NOD2: variants seen among roughly 807,000 people sequenced by gnomAD.
The protein encoded by NOD2 is nucleotide-binding oligomerization domain-containing protein 2.
A neutral mutation model predicts 90.9 loss-of-function variants in NOD2; 86 were observed. The observed-to-expected ratio is 0.95, with a 90% confidence interval of 0.79 to 1.13. NOD2 has a LOEUF of 1.13. Among genes scored for constraint, NOD2 ranks in the 50% most tolerant of loss-of-function variants. NOD2 has a pLI of 0.00. For missense variants in NOD2, 1,238 were observed against 1,283.8 expected (o/e 0.96, Z 0.55); for synonymous variants, 581 against 554.6 (o/e 1.05, Z -0.67).
intron 9 of NOD2, among the ~76,000 whole-genome samples, 175 bp from the exon 10 acceptor site, chr16:50,725,314 C>A (rs1965225567): frequency 1.3e-5 from 2 of 152,168 alleles, no homozygotes; most frequent in African/African-American, 2.4e-5. Flanking sequence ...GGAGTGAATT[C>A]TCTTGCAAAT....
chr16:50,716,855 T>G (rs745794233), intron 5 of NOD2, 36 bp from the exon 6 acceptor site: 2 of 1,602,888 alleles, frequency 1.2e-6, no homozygotes, highest in Non-Finnish European at 1.7e-6. Flanking sequence ...CCAATGTGCT[T>G]TGCTTCTGTG....
At chr16:50,697,517 GC>G (rs568325667) in intron 1 of NOD2, 1 of 661,790 alleles carries the variant, frequency 1.5e-6, no homozygotes, top group Non-Finnish European at 2.8e-6. Flanking sequence ...CGCATCCTTG[GC>G]TGGTGTTTCC....
chr16:50,713,781 G>A (rs910477113), intron 4 of NOD2, among the ~76,000 whole-genome samples: 4 of 152,142 alleles, frequency 2.6e-5, no homozygotes, highest in African/African-American at 9.7e-5. Flanking sequence ...CTTCTGCAAA[G>A]TGGAAGAATA....
chr16:50,728,338 G>A, intron 10 of NOD2: 1 of 388,644 alleles, frequency 2.6e-6, no homozygotes, highest in Non-Finnish European at 5.1e-6. Context: ...AGCAGTTCCT[G>A]GGCCAAATGC....
In NOD2 at chr16:50,725,526, T is replaced by C. The variant is rs1965233783; in HGVS notation, c.2839T>C (p.Ser947Pro). The C allele has an allele frequency of 3.7e-6, 6 of 1,614,142 alleles. No individual in the cohort carries two copies. Among genetic ancestry groups the C allele is most frequent in the Non-Finnish European group, 5.1e-6 (6 of 1,179,980 alleles). ...ENHLQDEGVC[S>P]LAEGLKKNSS... ...CCATCTCCAGGATGAAGGTGTATGT[T>C]CTCTCGCAGAAGGACTGAAGAAAAA... The change falls in exon 10 of 12, where the codon TCT becomes CCT. Residue 947 changes from serine (S) to proline (P), a missense_variant. This residue lies in a region of NOD2 where 667 missense variants were observed against 688.7 expected (regional missense o/e 0.97). Transcript: ENST00000647318.
chr16:50,716,974 G>A lies in NOD2; in HGVS notation c.2549G>A (p.Arg850Lys). ...LACRQNFLALRLGNNYITAAG... is the reference protein window; with the variant it reads ...LACRQNFLALKLGNNYITAAG... ...TGCAGGCAGAACTTCTTGGCATTGA[G>A]GTGAGCCCAGGTTTTCCTTATTCCC... The change falls in exon 6 of 12, where the codon AGG (arginine) becomes AAG (lysine). Residue 850 changes from arginine to lysine, a missense_variant and splice_region_variant. Coordinates refer to ENST00000647318, the MANE Select transcript of NOD2 (RefSeq NM_001370466.1). 3.1e-6 allele frequency: 5 copies of A among 1,614,142 alleles called. No individual in the cohort carries two copies. Among genetic ancestry groups the A allele is most frequent in the Non-Finnish European group, 4.2e-6 (5 of 1,179,956 alleles).
intron 2 of NOD2, among the ~76,000 whole-genome samples, chr16:50,704,997 T>C (rs1267382442): frequency 6.6e-6 from 1 of 152,218 alleles, no homozygotes; most frequent in East Asian, 1.9e-4. Context: ...TTACAGGTGA[T>C]TTCTTCCTCT....
At chr16:50,701,721 A>T (rs1448118614) in intron 2 of NOD2, among the ~76,000 whole-genome samples, 1 of 152,228 alleles carries the variant, frequency 6.6e-6, no homozygotes, top group Non-Finnish European at 1.5e-5. Flanking sequence ...AGAAGACAGG[A>T]TGTGAACAGA....
At chr16:50,695,165 G>C (rs995060985) in intron 1 of NOD2, among the ~76,000 whole-genome samples, 19 of 151,844 alleles carry the variant, frequency 1.3e-4, no homozygotes, top group African/African-American at 4.4e-4. Flanking sequence ...TCATGGGGGG[G>C]GTGGGGTAAG....
Position 50,710,713 on chromosome 16 carries a change from C to A in NOD2, c.721C>A (p.Pro241Thr), listed in dbSNP as rs2066842. Reference protein sequence around the residue: ...EVWADVGMAGPPQKSPATLGL... With the variant: ...EVWADVGMAGTPQKSPATLGL... ...CTGGGCAGATGTGGGCATGGCTGGA[C>A]CCCCGCAGAAGAGCCCAGCCACCCT... Residue 241 changes from proline to threonine, a missense_variant, in exon 4 of 12, where the codon CCC (proline) becomes ACC (threonine). Pro to Thr is a conservative substitution (Grantham distance 38). Coordinates refer to ENST00000647318, the MANE Select transcript of NOD2 (RefSeq NM_001370466.1). The A allele has an allele frequency of 1.2e-6, 2 of 1,613,550 alleles. No homozygotes were observed. The highest frequency in any genetic ancestry group is 1.7e-5 in the Admixed American group (1 of 59,952).
At chr16:50,730,002 C>T in intron 11 of NOD2, 101 bp downstream of exon 11, 1 of 779,110 alleles carries the variant, frequency 1.3e-6, no homozygotes, top group Non-Finnish European at 2.2e-6. Context: ...TTTGAGGATC[C>T]CTTCTGATTC....
chr16:50,717,831 T>A (rs978042353), intron 6 of NOD2, among the ~76,000 whole-genome samples: 4 of 152,180 alleles, frequency 2.6e-5, no homozygotes, highest in Non-Finnish European at 4.4e-5. Context: ...AGGGTGCTAG[T>A]TTCAGAAATG....
At chr16:50,707,684 C>T (rs529610017) in intron 2 of NOD2, among the ~76,000 whole-genome samples, 171 bp from the exon 3 acceptor site, 2 of 152,300 alleles carry the variant, frequency 1.3e-5, no homozygotes, top group East Asian at 3.9e-4. Flanking sequence ...GTTCAATTCA[C>T]CATCCAACAC....
At chr16:50,703,081 C>T (rs1242596450) in intron 2 of NOD2, among the ~76,000 whole-genome samples, 6 of 152,180 alleles carry the variant, frequency 3.9e-5, no homozygotes, top group Non-Finnish European at 8.8e-5. Context: ...TTGGGAAATG[C>T]ACCATGCATA....
chr16:50,703,773 A>T (rs530145769), intron 2 of NOD2, among the ~76,000 whole-genome samples: 1 of 151,716 alleles, frequency 6.6e-6, no homozygotes, highest in South Asian at 2.1e-4. Flanking sequence ...AGTCTCAGGG[A>T]CTTGGTCTGG....
In NOD2 at chr16:50,712,189, C is replaced by T. The variant is rs3813758; in HGVS notation, c.2197C>T (p.Arg733Cys). The change falls in exon 4 of 12, where the codon CGT (arginine) becomes TGT (cysteine). Residue 733 changes from arginine to cysteine, a missense_variant. Transcript: ENST00000647318. ...GGAGCGGCTGGCTCGGAAGGCTGCA[C>T]GTGGCCTGAATGTTGGGCACCTCAA... is the stretch of plus-strand genomic sequence containing the variant. ...QEERLARKAA[R>C]GLNVGHLKLT... The T allele has an allele frequency of 1.8e-5, 29 of 1,613,838 alleles. No homozygotes were observed. The highest frequency in any genetic ancestry group is 2.7e-5 in the African/African-American group (2 of 74,946).
At chr16:50,724,849 C>A (rs919913088) in intron 9 of NOD2, among the ~76,000 whole-genome samples, 1 of 152,210 alleles carries the variant, frequency 6.6e-6, no homozygotes, top group Non-Finnish European at 1.5e-5. Flanking sequence ...TGGATGTAGG[C>A]AGTGTAGGGT....
At chr16:50,697,648 A>T (rs1018409198) in intron 1 of NOD2, 1 of 398,862 alleles carries the variant, frequency 2.5e-6, no homozygotes, top group Non-Finnish European at 4.8e-6. Flanking sequence ...GGGCACAAGG[A>T]GGAGAACTCC....
intron 7 of NOD2, among the ~76,000 whole-genome samples, chr16:50,721,872 T>C (rs1965076942): frequency 6.6e-6 from 1 of 152,234 alleles, no homozygotes; most frequent in East Asian, 1.9e-4. Context: ...TAAGTTGTTT[T>C]CAGGTTTTTT....
Sources: gnomAD v4.1 joint callset for allele counts (sites outside exome capture counted in the v4.1 genomes callset) on GRCh38, gnomAD v4.1.1 for gene constraint, gnomAD v4.1.1 regional missense constraint, MANE v1.5 for transcripts, NCBI Gene and HGNC (gene_info 2026-07-23, HGNC 2026-07-21) for gene names.